The following SLIT3 variants were observed in gnomAD, a reference collection of about 807,000 sequenced individuals.
The protein encoded by SLIT3 is slit homolog 3 protein.
In SLIT3, 68 loss-of-function variants were observed where a neutral mutation model predicts 184.0. The observed-to-expected ratio is 0.37, with a 90% CI of 0.30 to 0.45. The LOEUF (loss-of-function observed/expected upper bound fraction) is 0.45, where lower values mean the gene tolerates loss of function less well. Among genes scored for constraint, SLIT3 ranks in the 20% least tolerant of loss-of-function variants. The pLI, the probability that SLIT3 is intolerant of heterozygous loss-of-function variation, is 1.00. For missense variants in SLIT3, 1,707 were observed against 2,026.0 expected, an observed-to-expected ratio of 0.84 and a Z score of 3.02; for synonymous variants, 831 against 828.6, an observed-to-expected ratio of 1.00 and a Z score of -0.05.
chr5:168,811,858 T>G (rs1475667986), intron 8 of SLIT3, among the ~76,000 whole-genome samples: 1 of 152,338 alleles, frequency 6.6e-6, no homozygotes, highest in East Asian at 1.9e-4. Flanking sequence ...ATTCTACTAC[T>G]GGGTACATAT....
At chr5:169,048,450 C>T (rs186614846) in intron 4 of SLIT3, among the ~76,000 whole-genome samples, 14 of 152,274 alleles carry the variant, frequency 9.2e-5, no homozygotes, top group Admixed American at 8.5e-4. Flanking sequence ...TAATCTCTGC[C>T]CTGGTGAAGC....
intron 20 of SLIT3, among the ~76,000 whole-genome samples, chr5:168,740,166 T>G (rs964701736): frequency 6.6e-6 from 1 of 152,086 alleles, no homozygotes; most frequent in Non-Finnish European, 1.5e-5. Flanking sequence ...AGCACAGGAT[T>G]TGGGGTCAGA....
chr5:168,988,465 C>T (rs534941411), intron 4 of SLIT3, among the ~76,000 whole-genome samples: 29 of 152,216 alleles, frequency 1.9e-4, no homozygotes, highest in African/African-American at 6.5e-4. Flanking sequence ...GGGAAGGACC[C>T]AGATCCTTGA....
chr5:169,296,903 G>A lies in SLIT3; in HGVS notation c.197+3610C>T, dbSNP rs1767518801. Among the ~76,000 whole-genome samples the A allele has an allele frequency of 5.3e-5, 8 of 152,338 alleles. No individual in the cohort carries two copies. The South Asian group carries it at 1.7e-3, about 32-fold the overall frequency. Reference sequence around the variant, plus strand: ...CGTTCAGGCCACCCCTCACTGCAGTGAGAAGTGGGCCTCTGCCTGCCTCTA... The same window carrying A: ...CGTTCAGGCCACCCCTCACTGCAGTAAGAAGTGGGCCTCTGCCTGCCTCTA... On this transcript the variant is annotated intron_variant, in intron 1 of 35. Transcript: ENST00000519560.
chr5:168,815,418 T>C (rs1195633786), intron 8 of SLIT3, among the ~76,000 whole-genome samples: 2 of 152,226 alleles, frequency 1.3e-5, no homozygotes, highest in Non-Finnish European at 2.9e-5. Context: ...ATGATGTGTT[T>C]TATCATTCTA....
In SLIT3 at chr5:169,193,545, A is replaced by G. The variant is rs978970342; in HGVS notation, c.347T>C (p.Leu116Pro). The change falls in exon 4 of 36, where the codon CTG (leucine) becomes CCG (proline). Residue 116 changes from leucine (L) to proline (P), a missense_variant. This residue lies in a region of SLIT3 where 1,307 missense variants were observed against 1,511.6 expected (regional missense o/e 0.86). Transcript: ENST00000519560. ...QDLKQLERLR[L>P]NKNKLQVLPE... Reference sequence around the variant, plus strand: ...AAGGACTTGCAGCTTATTCTTGTTCAGGCGCCTAAAGAGGAAAGAGAATGG... The same window carrying G: ...AAGGACTTGCAGCTTATTCTTGTTCGGGCGCCTAAAGAGGAAAGAGAATGG... 12 of 1,613,884 alleles carry G rather than the reference A, an allele frequency of 7.4e-6. No individual in the cohort carries two copies. Among genetic ancestry groups the G allele is most frequent in the Non-Finnish European group, 1.0e-5 (12 of 1,179,774 alleles).
intron 4 of SLIT3, among the ~76,000 whole-genome samples, chr5:168,993,747 A>T (rs1036173916): frequency 1.3e-5 from 2 of 152,032 alleles, no homozygotes; most frequent in Admixed American, 6.5e-5. Flanking sequence ...ACGGGCACAG[A>T]AATCTATCAC....
chr5:169,254,660 C>T (rs1561769244), intron 1 of SLIT3, among the ~76,000 whole-genome samples: 2 of 152,144 alleles, frequency 1.3e-5, no homozygotes, highest in Non-Finnish European at 1.5e-5. Context: ...TCTCGCTCCC[C>T]TCACTTGTAC....
intron 4 of SLIT3, among the ~76,000 whole-genome samples, chr5:168,939,935 A>G (rs1406387297): frequency 6.6e-6 from 1 of 152,236 alleles, no homozygotes; most frequent in Non-Finnish European, 1.5e-5. Context: ...AAATGAGCCA[A>G]CTGAGATTAG....
chr5:168,892,260 G>C (rs1460753035), intron 4 of SLIT3, among the ~76,000 whole-genome samples: 1 of 152,130 alleles, frequency 6.6e-6, no homozygotes, highest in African/African-American at 2.4e-5. Flanking sequence ...GAGATGCTTT[G>C]CATTCCTTTT....
intron 6 of SLIT3, among the ~76,000 whole-genome samples, chr5:168,841,035 C>A (rs1480045435): frequency 1.3e-5 from 2 of 152,240 alleles, no homozygotes; most frequent in Non-Finnish European, 2.9e-5. Context: ...CTCCGACATT[C>A]TCCCCAGCGG....
At chr5:169,245,301 C>T (rs1275637562) in intron 2 of SLIT3, among the ~76,000 whole-genome samples, 1 of 152,092 alleles carries the variant, frequency 6.6e-6, no homozygotes, top group African/African-American at 2.4e-5. Context: ...TGATGATGGT[C>T]CTAAAAGATC....
At position 168,947,898 on chromosome 5, in the gene SLIT3, C is replaced by G. The variant is rs1762533543; in HGVS notation, c.414-64562G>C. On this transcript the variant is annotated intron_variant, in intron 4 of 35. Transcript: ENST00000519560. ...ACCTCTGTCTCCTGGGTTCAAAACTCTCCTGCCTCAGCCTCCTGAGAAGCT... is the reference window on the plus strand; with the variant it reads ...ACCTCTGTCTCCTGGGTTCAAAACTGTCCTGCCTCAGCCTCCTGAGAAGCT... Among the ~76,000 whole-genome samples the G allele has an allele frequency of 2.0e-5, 3 of 152,216 alleles. No homozygotes were observed. The South Asian group carries it at 6.2e-4, about 32-fold the overall frequency.
Position 168,770,773 on chromosome 5 carries a change from C to T in SLIT3, c.1459+2008G>A, listed in dbSNP as rs78702994. Among the ~76,000 whole-genome samples the T allele has an allele frequency of 2.3e-4, 35 of 152,150 alleles. No individual in the cohort carries two copies. In the East Asian group the frequency reaches 5.4e-3, roughly 24 times the overall value. On this transcript the variant is annotated intron_variant, in intron 14 of 35. Coordinates refer to ENST00000519560, the MANE Select transcript of SLIT3 (RefSeq NM_003062.4). ...CCACATAGGAAAAGCAGCCAGGATCCTGCAGATCTACAGGTAGGACGATAG... is the reference window on the plus strand; with the variant it reads ...CCACATAGGAAAAGCAGCCAGGATCTTGCAGATCTACAGGTAGGACGATAG...
Position 168,774,341 on chromosome 5 carries a change from T to C in SLIT3, c.1189A>G (p.Asn397Asp). 1 of 1,613,988 alleles carries C rather than the reference T, an allele frequency of 6.2e-7. No individual in the cohort carries two copies. The change falls in exon 13 of 36, where the codon AAC becomes GAC. Residue 397 changes from asparagine to aspartate, a missense_variant. By Grantham distance (23) the Asn-to-Asp change is conservative. Transcript: ENST00000519560. The stretch of plus-strand genomic sequence containing the variant: ...AGGTTCTGCAGGTCCTGAAACGTGT[T>C]CACCCGCAGGCAGTTGATCTTGTTG... The part of the protein sequence containing the change: ...NANKINCLRV[N>D]TFQDLQNLNL...
chr5:169,232,983 T>G (rs1430664885), intron 3 of SLIT3, among the ~76,000 whole-genome samples: 1 of 152,230 alleles, frequency 6.6e-6, no homozygotes, highest in Non-Finnish European at 1.5e-5. Flanking sequence ...TTAAGGCCTG[T>G]GCATCTTTCA....
rs191233580 is a variant in SLIT3 at position 169,168,801 on chromosome 5, G to C, written c.413+24678C>G. 3.9e-4 allele frequency among the ~76,000 whole-genome samples: 60 copies of C among 152,348 alleles called. No homozygotes were observed. In the East Asian group the frequency reaches 5.6e-3, roughly 14 times the overall value. On this transcript the variant is annotated intron_variant, in intron 4 of 35. Transcript: ENST00000519560. ...ATGGCTGATGGCTGAAGTCTGAGCT[G>C]CATGCATCCTTCAGGAGGAACAAGG...
At chr5:168,946,703 T>TG (rs1762493370) in intron 4 of SLIT3, among the ~76,000 whole-genome samples, 1 of 152,150 alleles carries the variant, frequency 6.6e-6, no homozygotes, top group Non-Finnish European at 1.5e-5. Context: ...GCGGCCTGCC[T>TG]GGGGTCTTTC....
At chr5:168,922,884 TA>T (rs146889213) in intron 4 of SLIT3, among the ~76,000 whole-genome samples, 73 of 152,336 alleles carry the variant, frequency 4.8e-4, no homozygotes, top group Non-Finnish European at 7.6e-4. Context: ...CTCACTATCC[TA>T]AATGCAGGAA....
Sources: gnomAD v4.1 joint callset for allele counts (sites outside exome capture counted in the v4.1 genomes callset) on GRCh38, gnomAD v4.1.1 for gene constraint, gnomAD v4.1.1 regional missense constraint, MANE v1.5 for transcripts, NCBI Gene and HGNC (gene_info 2026-07-23, HGNC 2026-07-21) for gene names.